Variants in PRKD1 observed in about 807,000 individuals in gnomAD.
The protein encoded by PRKD1 is serine/threonine-protein kinase D1.
In PRKD1, 63 loss-of-function variants were observed where a neutral mutation model predicts 95.9. That is an observed-to-expected ratio of 0.66 (90% CI 0.54 to 0.81). The LOEUF (loss-of-function observed/expected upper bound fraction) is 0.81. Among genes scored for constraint, PRKD1 ranks in the 30% least tolerant of loss-of-function variants. The probability of loss-of-function intolerance (pLI) is 0.00; values close to 1 mark genes in which losing one functional copy is unlikely to be tolerated. For synonymous variants in PRKD1, 425 were observed against 423.1 expected, an observed-to-expected ratio of 1.00 and a Z score of -0.05; for missense variants, 1,048 against 1,165.3, an observed-to-expected ratio of 0.90 and a Z score of 1.47.
At chr14:29,636,542 C>G (rs1381747113) in intron 6 of PRKD1, 48 bp from the exon 7 acceptor site, 1 of 1,597,280 alleles carries the variant, frequency 6.3e-7, no homozygotes, top group Admixed American at 1.7e-5. Context: ...ATCTTGGAGC[C>G]AGGGCTTAAG....
chr14:29,741,171 T>C (rs1886965103), intron 1 of PRKD1, among the ~76,000 whole-genome samples: 1 of 152,148 alleles, frequency 6.6e-6, no homozygotes, highest in Non-Finnish European at 1.5e-5. Flanking sequence ...CTAGGCTTAG[T>C]ACCTGGGTGA....
intron 2 of PRKD1, among the ~76,000 whole-genome samples, chr14:29,702,554 T>G (rs1884894111): frequency 6.6e-6 from 1 of 152,008 alleles, no homozygotes; most frequent in Non-Finnish European, 1.5e-5. Flanking sequence ...GATCATATTG[T>G]TTTCTTTTTT....
chr14:29,706,148 T>TA, intron 2 of PRKD1, among the ~76,000 whole-genome samples: 1 of 152,116 alleles, frequency 6.6e-6, no homozygotes, highest in Non-Finnish European at 1.5e-5. Flanking sequence ...TACTGGATGT[T>TA]AAATAGTATC....
At chr14:29,775,877 TA>T (rs1338098750) in intron 1 of PRKD1, among the ~76,000 whole-genome samples, 1 of 152,132 alleles carries the variant, frequency 6.6e-6, no homozygotes, top group Non-Finnish European at 1.5e-5. Context: ...CCGAGTAGCC[TA>T]ACTGGGAGGC....
intron 1 of PRKD1, among the ~76,000 whole-genome samples, chr14:29,904,845 AC>A (rs1464854739): frequency 6.6e-6 from 1 of 152,222 alleles, no homozygotes; most frequent in Non-Finnish European, 1.5e-5. Flanking sequence ...CAAGAATGAT[AC>A]CTAAATCCTA....
intron 13 of PRKD1, among the ~76,000 whole-genome samples, chr14:29,613,055 G>A (rs1002539726): frequency 2.6e-5 from 4 of 151,912 alleles, no homozygotes; most frequent in African/African-American, 7.2e-5. Flanking sequence ...CCAAGATCAT[G>A]CCACTGCACT....
chr14:29,897,225 T>C (rs959417154), intron 1 of PRKD1, among the ~76,000 whole-genome samples: 1 of 152,154 alleles, frequency 6.6e-6, no homozygotes, highest in African/African-American at 2.4e-5. Context: ...CATTTTAATC[T>C]GCAAAATCTT....
chr14:29,630,954 G>A lies in PRKD1; in HGVS notation c.1460C>T (p.Ala487Val). ...VKTSALIPNG[A>V]NPHCFEITTA... ...AGTGATTTCGAAACAATGAGGATTG[G>A]CCCCATTAGGAATTAAAGCTGAAGT... The change falls in exon 10 of 18, where the codon GCC becomes GTC. Residue 487 changes from alanine (A) to valine (V), a missense_variant. This residue lies in a region of PRKD1 where 739 missense variants were observed against 861.9 expected (regional missense o/e 0.86). Coordinates refer to ENST00000331968, the MANE Select transcript of PRKD1 (RefSeq NM_002742.3). 3 of 1,613,928 alleles carry A rather than the reference G, an allele frequency of 1.9e-6. No individual in the cohort carries two copies. The highest frequency in any genetic ancestry group is 2.5e-6 in the Non-Finnish European group (3 of 1,179,880).
chr14:29,915,575 G>A (rs1016408373), intron 1 of PRKD1, among the ~76,000 whole-genome samples: 1 of 152,138 alleles, frequency 6.6e-6, no homozygotes, highest in Non-Finnish European at 1.5e-5. Context: ...GGGAAGTGGG[G>A]GGGAATCTTG....
intron 2 of PRKD1, among the ~76,000 whole-genome samples, chr14:29,716,302 T>C (rs1885606365): frequency 6.6e-6 from 1 of 152,144 alleles, no homozygotes; most frequent in Non-Finnish European, 1.5e-5. Flanking sequence ...AGAAGCTTGA[T>C]ATGTCCTTCC....
intron 1 of PRKD1, among the ~76,000 whole-genome samples, chr14:29,886,881 A>G (rs979805553): frequency 6.6e-6 from 1 of 152,206 alleles, no homozygotes; most frequent in Non-Finnish European, 1.5e-5. Context: ...TTGGTATGTG[A>G]GCCTAACGAG....
At chr14:29,628,981 G>C (rs1879806984) in intron 11 of PRKD1, 60 bp downstream of exon 11, 1 of 1,197,476 alleles carries the variant, frequency 8.4e-7, no homozygotes, top group Non-Finnish European at 1.1e-6. Flanking sequence ...ACTATTTTAT[G>C]ATGCTTTTAT....
chr14:29,741,922 C>A (rs1185047534), intron 1 of PRKD1, among the ~76,000 whole-genome samples: 1 of 151,780 alleles, frequency 6.6e-6, no homozygotes, highest in Non-Finnish European at 1.5e-5. Context: ...ATGTATTGTG[C>A]TAGAATCAAG....
intron 17 of PRKD1, 83 bp downstream of exon 17, chr14:29,578,192 A>G (rs1892627092): frequency 9.2e-7 from 1 of 1,091,300 alleles, no homozygotes; most frequent in Non-Finnish European, 1.3e-6. Context: ...TTTAAAAATT[A>G]TTGCAAAAGA....
intron 1 of PRKD1, among the ~76,000 whole-genome samples, chr14:29,878,000 G>A (rs1051407393): frequency 1.3e-5 from 2 of 152,158 alleles, no homozygotes; most frequent in African/African-American, 2.4e-5. Context: ...TCTTCTGTGG[G>A]AACATGGATG....
At chr14:29,802,512 T>C (rs368552403) in intron 1 of PRKD1, among the ~76,000 whole-genome samples, 2 of 152,182 alleles carry the variant, frequency 1.3e-5, no homozygotes, top group East Asian at 3.8e-4. Flanking sequence ...ACTTTACAAG[T>C]TAATTGACAA....
At chr14:29,892,785 A>C (rs1893985429) in intron 1 of PRKD1, among the ~76,000 whole-genome samples, 1 of 152,226 alleles carries the variant, frequency 6.6e-6, no homozygotes, top group South Asian at 2.1e-4. Context: ...ATAAATATGA[A>C]TAGTCACTCA....
intron 1 of PRKD1, among the ~76,000 whole-genome samples, chr14:29,747,335 G>A (rs1887272789): frequency 6.6e-6 from 1 of 152,174 alleles, no homozygotes; most frequent in African/African-American, 2.4e-5. Context: ...TGGAACACCT[G>A]TACATTGCTG....
intron 2 of PRKD1, among the ~76,000 whole-genome samples, chr14:29,677,446 G>A (rs992524060): frequency 1.3e-5 from 2 of 152,142 alleles, no homozygotes; most frequent in Admixed American, 6.5e-5. Context: ...CATATCAACT[G>A]CAAATAAGTA....
Sources: allele counts gnomAD v4.1 joint callset (sites outside exome capture counted in the v4.1 genomes callset), GRCh38; gene constraint gnomAD v4.1.1; regional missense constraint gnomAD v4.1.1; transcripts MANE v1.5; gene names NCBI Gene and HGNC (gene_info 2026-07-23, HGNC 2026-07-21).